Variants in ALOX5AP observed in about 807,000 individuals in gnomAD.
The protein encoded by ALOX5AP is arachidonate 5-lipoxygenase activating protein.
In ALOX5AP, 9 loss-of-function variants were observed where a neutral mutation model predicts 18.5. The ratio of observed to expected loss-of-function variants is 0.49; its 90% CI spans 0.29 to 0.85. The LOEUF (loss-of-function observed/expected upper bound fraction) is 0.85. Among genes scored for constraint, ALOX5AP ranks in the 40% least tolerant of loss-of-function variants. The probability of loss-of-function intolerance (pLI) is 0.08; values close to 1 mark genes in which losing one functional copy is unlikely to be tolerated. For missense variants in ALOX5AP, 172 were observed against 202.5 expected (o/e 0.85, Z 0.91); for synonymous variants, 81 against 78.6 (o/e 1.03, Z -0.16).
intron 1 of ALOX5AP, among the ~76,000 whole-genome samples, chr13:30,720,009 ATG>A (rs1444821047): frequency 1.3e-5 from 2 of 152,074 alleles, no homozygotes; most frequent in African/African-American, 4.8e-5. Flanking sequence ...CTACAGGCAC[ATG>A]CCACCACGCC....
intron 1 of ALOX5AP, among the ~76,000 whole-genome samples, chr13:30,726,082 C>T (rs1951637275): frequency 6.6e-6 from 1 of 152,180 alleles, no homozygotes; most frequent in South Asian, 2.1e-4. Flanking sequence ...ATTTTTCCTT[C>T]CCATTCCTGT....
intron 1 of ALOX5AP, among the ~76,000 whole-genome samples, chr13:30,718,649 A>C (rs1342961782): frequency 6.6e-6 from 1 of 152,072 alleles, no homozygotes; most frequent in Non-Finnish European, 1.5e-5. Context: ...TTCTCAAAAA[A>C]GGCCTTTTAT....
At chr13:30,728,831 G>A (rs1422085408) in intron 1 of ALOX5AP, among the ~76,000 whole-genome samples, 1 of 152,210 alleles carries the variant, frequency 6.6e-6, no homozygotes, top group Non-Finnish European at 1.5e-5. Context: ...CTGGGTGACA[G>A]AGTGAGAAAG....
At chr13:30,742,132 A>G (rs1324450542) in intron 1 of ALOX5AP, among the ~76,000 whole-genome samples, 1 of 152,064 alleles carries the variant, frequency 6.6e-6, no homozygotes, top group Non-Finnish European at 1.5e-5. Flanking sequence ...CCTGGCCAAT[A>G]TGGTGAAACC....
intron 3 of ALOX5AP, among the ~76,000 whole-genome samples, chr13:30,753,433 G>A (rs1044782015): frequency 2.6e-5 from 4 of 152,238 alleles, no homozygotes; most frequent in African/African-American, 9.6e-5. Flanking sequence ...CGGACTTGCT[G>A]TAGCTAGATA....
intron 1 of ALOX5AP, among the ~76,000 whole-genome samples, chr13:30,722,381 C>G (rs1008176475): frequency 1.3e-5 from 2 of 152,166 alleles, no homozygotes; most frequent in Non-Finnish European, 2.9e-5. Context: ...TAATGAGAGG[C>G]AAATGAGAGC....
intron 1 of ALOX5AP, among the ~76,000 whole-genome samples, chr13:30,722,293 C>T (rs1183787079): frequency 6.6e-6 from 1 of 152,194 alleles, no homozygotes; most frequent in Non-Finnish European, 1.5e-5. Flanking sequence ...ATGGGTAGAA[C>T]AGGAAGAAAG....
At chr13:30,738,500 G>A (rs1228230871) in intron 1 of ALOX5AP, among the ~76,000 whole-genome samples, 1 of 152,208 alleles carries the variant, frequency 6.6e-6, no homozygotes, top group African/African-American at 2.4e-5. Context: ...GGAGACAGGA[G>A]TTGGGCTCAA....
chr13:30,738,220 A>G (rs1951735828), intron 1 of ALOX5AP, among the ~76,000 whole-genome samples: 1 of 152,242 alleles, frequency 6.6e-6, no homozygotes, highest in Non-Finnish European at 1.5e-5. Context: ...GTGATTGGGC[A>G]GAGCTGGCCC....
At chr13:30,725,737 A>G (rs964488669) in intron 1 of ALOX5AP, among the ~76,000 whole-genome samples, 2 of 152,156 alleles carry the variant, frequency 1.3e-5, no homozygotes, top group Non-Finnish European at 1.5e-5. Context: ...GCTTAATTTT[A>G]TTTGTTATAA....
intron 1 of ALOX5AP, among the ~76,000 whole-genome samples, chr13:30,725,294 G>A (rs772535034): frequency 4.6e-5 from 7 of 152,224 alleles, no homozygotes; most frequent in Non-Finnish European, 5.9e-5. Flanking sequence ...CAAAACATGA[G>A]AATATGTATC....
chr13:30,745,131 C>T (rs371149747), intron 2 of ALOX5AP, among the ~76,000 whole-genome samples: 18 of 152,234 alleles, frequency 1.2e-4, no homozygotes, highest in African/African-American at 3.6e-4. Flanking sequence ...CGTTGGTTTC[C>T]TGTGAATTAA....
chr13:30,722,932 C>T (rs891693896), intron 1 of ALOX5AP, among the ~76,000 whole-genome samples: 16 of 152,182 alleles, frequency 1.1e-4, no homozygotes, highest in Admixed American at 8.5e-4. Context: ...TTTCTGAGGC[C>T]TCACCAGAAG....
At chr13:30,726,644 A>G (rs1951641746) in intron 1 of ALOX5AP, among the ~76,000 whole-genome samples, 1 of 152,204 alleles carries the variant, frequency 6.6e-6, no homozygotes, top group African/African-American at 2.4e-5. Context: ...AGTGTTGAAT[A>G]TGTCTTCTTT....
chr13:30,751,343 G>A (rs145592207), intron 2 of ALOX5AP, among the ~76,000 whole-genome samples: 214 of 152,252 alleles, frequency 1.4e-3, no homozygotes, highest in African/African-American at 4.6e-3. Flanking sequence ...ATTACAAGGC[G>A]TGTTGTTTTA....
At chr13:30,727,181 G>C (rs534519285) in intron 1 of ALOX5AP, among the ~76,000 whole-genome samples, 1 of 151,994 alleles carries the variant, frequency 6.6e-6, no homozygotes, top group African/African-American at 2.4e-5. Flanking sequence ...AGCCTCCAGA[G>C]TAGCTGGGAT....
intron 1 of ALOX5AP, among the ~76,000 whole-genome samples, chr13:30,741,568 C>T (rs1233782679): frequency 8.1e-6 from 1 of 122,840 alleles, no homozygotes; most frequent in African/African-American, 3.0e-5. Context: ...CCCCCAACAA[C>T]TGGCTAATTT....
intron 1 of ALOX5AP, among the ~76,000 whole-genome samples, chr13:30,725,614 A>G (rs1951633680): frequency 6.6e-6 from 1 of 152,236 alleles, no homozygotes; most frequent in Non-Finnish European, 1.5e-5. Context: ...ACATTGGACC[A>G]TTTCCATCAT....
intron 2 of ALOX5AP, among the ~76,000 whole-genome samples, chr13:30,747,525 G>A (rs1400818419): frequency 6.6e-6 from 1 of 152,206 alleles, no homozygotes; most frequent in African/African-American, 2.4e-5. Flanking sequence ...CAATGAGCAT[G>A]GCTAGAGCAG....
Sources: gnomAD v4.1 joint callset for allele counts (sites outside exome capture counted in the v4.1 genomes callset) on GRCh38, gnomAD v4.1.1 for gene constraint, MANE v1.5 for transcripts, NCBI Gene and HGNC (gene_info 2026-07-23, HGNC 2026-07-21) for gene names.